The following HRH1 variants were observed in gnomAD, a reference collection of about 807,000 sequenced individuals.
HRH1 encodes histamine H1 receptor.
A neutral mutation model predicts 10.3 loss-of-function variants in HRH1; 6 were observed. That is an observed-to-expected ratio of 0.58 (90% CI 0.32 to 1.15). HRH1 has a LOEUF of 1.15. Ranked by LOEUF, HRH1 falls within the 50% of genes most tolerant of loss-of-function variation. The pLI is 0.05. For missense variants in HRH1, 514 were observed against 615.3 expected (o/e 0.84, Z 1.74); for synonymous variants, 242 against 236.7 (o/e 1.02, Z -0.21).
chr3:11,152,366 A>C (rs987506654), upstream of HRH1, among the ~76,000 whole-genome samples: 2 of 152,174 alleles, frequency 1.3e-5, no homozygotes, highest in African/African-American at 4.8e-5. Flanking sequence ...TGTCAGTTCC[A>C]AATGCCACAG....
chr3:11,197,453 GGCCATACGGA>G (rs1395817166), intron 1 of HRH1, among the ~76,000 whole-genome samples: 2 of 152,148 alleles, frequency 1.3e-5, no homozygotes, highest in African/African-American at 4.8e-5. Context: ...CCAGAAAAGG[GGCCATACGGA>G]GCCTTTTATA....
At chr3:11,193,499 C>A (rs1466060739) in intron 1 of HRH1, among the ~76,000 whole-genome samples, 2 of 152,158 alleles carry the variant, frequency 1.3e-5, no homozygotes, top group South Asian at 4.1e-4. Flanking sequence ...AAGATCAAGG[C>A]ACCAGCAGAT....
In HRH1 at chr3:11,202,093, TAAAAG is replaced by T. The variant is rs1937936301; in HGVS notation, c.-36+47540_-36+47544del. 2.6e-5 allele frequency among the ~76,000 whole-genome samples: 4 copies of T among 152,258 alleles called. No individual in the cohort carries two copies. In the South Asian group the frequency reaches 8.3e-4, roughly 32 times the overall value. On this transcript the variant is annotated intron_variant, in intron 1 of 1. Transcript: ENST00000431010. Reference sequence around the variant, plus strand: ...AGATAAAATTATTTCTAATTTCTAATAAAAGGAAAGATTAAAAGGAAACTTTGAGG... The same window carrying T: ...AGATAAAATTATTTCTAATTTCTAATGAAAGATTAAAAGGAAACTTTGAGG...
chr3:11,227,461 A>G (rs1330142061), intron 1 of HRH1, among the ~76,000 whole-genome samples: 1 of 151,488 alleles, frequency 6.6e-6, no homozygotes, highest in Non-Finnish European at 1.5e-5. Flanking sequence ...TAATTTTTGT[A>G]TTTTTAGTGG....
chr3:11,242,373 C>A (rs371431823), intron 1 of HRH1, among the ~76,000 whole-genome samples: 1 of 145,132 alleles, frequency 6.9e-6, no homozygotes, highest in Non-Finnish European at 1.5e-5. Context: ...CCCAGATATT[C>A]GGGGAGGCTG....
chr3:11,191,754 A>G (rs1937535553), intron 1 of HRH1, among the ~76,000 whole-genome samples: 2 of 152,224 alleles, frequency 1.3e-5, no homozygotes, highest in South Asian at 4.1e-4. Context: ...GGGTTTCCTC[A>G]CAAGAGCACA....
At chr3:11,245,429 G>A (rs768078044) in intron 1 of HRH1, among the ~76,000 whole-genome samples, 7 of 151,986 alleles carry the variant, frequency 4.6e-5, no homozygotes, top group Non-Finnish European at 8.8e-5. Context: ...TCCCAGCTGC[G>A]TGACCTTGAG....
At chr3:11,176,257 G>C (rs1206121122) in intron 1 of HRH1, among the ~76,000 whole-genome samples, 1 of 152,048 alleles carries the variant, frequency 6.6e-6, no homozygotes, top group Non-Finnish European at 1.5e-5. Flanking sequence ...ACGAACTCTG[G>C]TCTCAGATAA....
At chr3:11,152,391 C>T (rs1936654554), upstream of HRH1, among the ~76,000 whole-genome samples, 1 of 152,150 alleles carries the variant, frequency 6.6e-6, no homozygotes, top group Non-Finnish European at 1.5e-5. Flanking sequence ...ACAACCCACA[C>T]CCTGCTTACC....
chr3:11,188,721 A>G (rs1422785382), intron 1 of HRH1, among the ~76,000 whole-genome samples: 3 of 152,336 alleles, frequency 2.0e-5, no homozygotes, highest in Non-Finnish European at 1.5e-5. Context: ...TTAGGTAGCT[A>G]TTAAAAGTCA....
In HRH1 at chr3:11,154,553, C is replaced by G. The variant is rs1236303373; in HGVS notation, c.-37C>G. On this transcript the variant is annotated splice_region_variant and 5_prime_UTR_variant, in exon 1 of 2. Coordinates refer to ENST00000431010, the MANE Select transcript of HRH1 (RefSeq NM_001098212.2). The surrounding 1 kb of genome is among the most constrained non-coding windows in gnomAD (Gnocchi z 4.4). ...ACCAAACTTTCCCCGGAGCCGGCGCCGGTGAGTCGCAGCGGGGCGCGGGCT... is the reference window on the plus strand; with the variant it reads ...ACCAAACTTTCCCCGGAGCCGGCGCGGGTGAGTCGCAGCGGGGCGCGGGCT... 2 of 150,868 alleles carry G rather than the reference C, an allele frequency of 1.3e-5. No homozygotes were observed. Among genetic ancestry groups the G allele is most frequent in the Non-Finnish European group, 3.0e-5 (2 of 67,646 alleles). The allele number at this position is 150,868 out of a possible 1,614,324, so 9.3% of individuals were successfully genotyped here.
intron 1 of HRH1, among the ~76,000 whole-genome samples, chr3:11,182,342 C>T (rs1937374322): frequency 6.6e-6 from 1 of 152,176 alleles, no homozygotes; most frequent in Admixed American, 6.5e-5. Context: ...GTCTCAGTTC[C>T]CTCATCTGTA....
intron 1 of HRH1, among the ~76,000 whole-genome samples, chr3:11,141,129 T>C (rs879681925): frequency 6.6e-6 from 1 of 152,214 alleles, no homozygotes; most frequent in Non-Finnish European, 1.5e-5. Context: ...TTTGAGCTTC[T>C]GTCTCTCAGA....
At chr3:11,221,630 A>T (rs889415060) in intron 1 of HRH1, among the ~76,000 whole-genome samples, 1 of 152,064 alleles carries the variant, frequency 6.6e-6, no homozygotes, top group African/African-American at 2.4e-5. Context: ...GTTCAGTGAC[A>T]CTAACTACAT....
At position 11,259,373 on chromosome 3, in the gene HRH1, A is replaced by G. The variant is rs1939873921; in HGVS notation, c.336A>G (p.Thr112=). 1 of 1,613,584 alleles carries G rather than the reference A, an allele frequency of 6.2e-7. No individual in the cohort carries two copies. Among genetic ancestry groups the G allele is most frequent in the Admixed American group, 1.7e-5 (1 of 59,994 alleles). ...FWLSMDYVAS[T]ASIFSVFILC... ...TTTCCATGGACTATGTGGCCAGCAC[A>G]GCGTCCATTTTCAGTGTCTTCATCC... The change falls in exon 2 of 2, where the codon ACA becomes ACG. Residue 112 remains threonine, a synonymous_variant. Transcript: ENST00000431010. This position sits in a 1 kb window ranked among gnomAD's most constrained non-coding sequence, Gnocchi z 4.6.
At chr3:11,173,006 C>A (rs561506159) in intron 1 of HRH1, among the ~76,000 whole-genome samples, 2 of 152,226 alleles carry the variant, frequency 1.3e-5, no homozygotes, top group Admixed American at 1.3e-4. Context: ...CAGCTTTTGG[C>A]GAACCTTCTA....
chr3:11,241,790 G>A (rs965433202), intron 1 of HRH1, among the ~76,000 whole-genome samples: 2 of 151,454 alleles, frequency 1.3e-5, no homozygotes, highest in African/African-American at 4.9e-5. Context: ...GAGCCGAGAT[G>A]GCGCCACTGC....
chr3:11,202,459 CTTTG>C lies in HRH1; in HGVS notation c.-36+47910_-36+47913del, dbSNP rs950747232. Among the ~76,000 whole-genome samples the C allele has an allele frequency of 1.0e-4, 13 of 130,014 alleles. 1 individual carries two copies. Among genetic ancestry groups the C allele is most frequent in the Admixed American group, 2.3e-4 (3 of 12,938 alleles). 85.3% of individuals were successfully genotyped at this position (130,014 alleles called of 152,430 possible). ...ATAATTAATTAAAAATAAAGGGAACCTTTGTTTGGGAGCCACTTTAACTAGATGA... is the reference window on the plus strand; with the variant it reads ...ATAATTAATTAAAAATAAAGGGAACCTTTGGGAGCCACTTTAACTAGATGA... On this transcript the variant is annotated intron_variant, in intron 1 of 1. Transcript: ENST00000431010.
At chr3:11,245,962 T>A (rs536093548) in intron 1 of HRH1, among the ~76,000 whole-genome samples, 54 of 151,320 alleles carry the variant, frequency 3.6e-4, no homozygotes, top group Non-Finnish European at 7.5e-4. Context: ...TACATACTCA[T>A]ACACACACAC....
Sources: allele counts gnomAD v4.1 joint callset (sites outside exome capture counted in the v4.1 genomes callset), GRCh38; gene constraint gnomAD v4.1.1; non-coding constraint Gnocchi (gnomAD v3.1); transcripts MANE v1.5; gene names NCBI Gene and HGNC (gene_info 2026-07-23, HGNC 2026-07-21).